POU2F2: variants seen among roughly 807,000 people sequenced by gnomAD.
The protein encoded by POU2F2 is POU domain, class 2, transcription factor 2.
A neutral mutation model predicts 63.5 loss-of-function variants in POU2F2; 14 were observed. The ratio of observed to expected loss-of-function variants is 0.22; its 90% CI spans 0.15 to 0.34. The LOEUF is 0.34. Ranked by LOEUF, POU2F2 falls within the 10% of genes least tolerant of loss-of-function variation. The probability of loss-of-function intolerance (pLI) is 1.00; values close to 1 mark genes in which losing one functional copy is unlikely to be tolerated. For missense variants in POU2F2, 607 were observed against 815.2 expected (o/e 0.74, Z 3.11); for synonymous variants, 306 against 348.6 (o/e 0.88, Z 1.36).
At chr19:42,133,709 TG>T (rs1246380679), upstream of POU2F2, among the ~76,000 whole-genome samples, 1 of 152,096 alleles carries the variant, frequency 6.6e-6, no homozygotes, top group Non-Finnish European at 1.5e-5. This position sits in a 1 kb window ranked among gnomAD's most constrained non-coding sequence, Gnocchi z 5.1. Flanking sequence ...CTGCTGACGA[TG>T]GTCACTCCCA....
At chr19:42,097,318 C>T (rs1263499741) in intron 7 of POU2F2, among the ~76,000 whole-genome samples, 2 of 151,966 alleles carry the variant, frequency 1.3e-5, no homozygotes, top group Non-Finnish European at 2.9e-5. Flanking sequence ...CTGCCTCAGC[C>T]TCCCGAGTAG....
intron 2 of POU2F2, among the ~76,000 whole-genome samples, chr19:42,149,968 G>A (rs891807537): frequency 2.0e-5 from 3 of 152,212 alleles, no homozygotes; most frequent in Non-Finnish European, 4.4e-5. Context: ...GGCAGAGACA[G>A]GCCCTGGGGG....
chr19:42,181,571 C>CATTT (rs143264132), intron 1 of POU2F2, among the ~76,000 whole-genome samples: 106,442 of 148,320 alleles, frequency 0.72, 38,641 homozygotes, highest in East Asian at 0.94. Context: ...TCTGAACATA[C>CATTT]ATTTATTTAT....
At chr19:42,192,729 T>A (rs1479725218) in intron 1 of POU2F2, among the ~76,000 whole-genome samples, 1 of 151,962 alleles carries the variant, frequency 6.6e-6, no homozygotes, top group Non-Finnish European at 1.5e-5. Context: ...AGAGCAGAAT[T>A]TAATTATTAG....
upstream of POU2F2, among the ~76,000 whole-genome samples, chr19:42,177,973 T>G (rs2034916206): frequency 1.5e-5 from 2 of 133,772 alleles, no homozygotes; most frequent in Admixed American, 7.2e-5. Context: ...CAGAGAAGGG[T>G]GGGGAGCACA....
chr19:42,179,883 G>A (rs919678068), upstream of POU2F2, among the ~76,000 whole-genome samples: 1 of 152,116 alleles, frequency 6.6e-6, no homozygotes, highest in Non-Finnish European at 1.5e-5. Context: ...CGCACTGTGT[G>A]CGCAACACAA....
At chr19:42,108,698 C>T (rs1197702333) in intron 5 of POU2F2, among the ~76,000 whole-genome samples, 1 of 152,204 alleles carries the variant, frequency 6.6e-6, no homozygotes, top group Non-Finnish European at 1.5e-5. Flanking sequence ...CACAATCCAG[C>T]GGCAGCATGG....
chr19:42,162,139 G>A lies in POU2F2; in HGVS notation c.-69-1747C>T, dbSNP rs1167624189. ...GCCTTAGGGCTGGGGTCTTCCCCCA[G>A]GCAGTGCCCCCACCTTGGGCTTCCC... On this transcript the variant is annotated intron_variant, in intron 1 of 6. Transcript: ENST00000524801. This position sits in a 1 kb window ranked among gnomAD's most constrained non-coding sequence, Gnocchi z 4.1. Among the ~76,000 whole-genome samples, 1 of 152,128 alleles carries A rather than the reference G, an allele frequency of 6.6e-6. No individual in the cohort carries two copies. Among genetic ancestry groups the A allele is most frequent in the African/African-American group, 2.4e-5 (1 of 41,450 alleles).
intron 1 of POU2F2, among the ~76,000 whole-genome samples, chr19:42,171,594 G>A (rs2034770286): frequency 6.6e-6 from 1 of 152,112 alleles, no homozygotes; most frequent in Non-Finnish European, 1.5e-5. Flanking sequence ...AAGCAGTTGT[G>A]AGCAAGTGGA....
rs924269937 is a variant in POU2F2 at position 42,167,125 on chromosome 19, A to G, written c.-69-6733T>C. Among the ~76,000 whole-genome samples, 37 of 152,186 alleles carry G rather than the reference A, an allele frequency of 2.4e-4. 1 individual carries two copies. Among genetic ancestry groups the G allele is most frequent in the Non-Finnish European group, 4.4e-5 (3 of 68,030 alleles). ...CACAAGAAAATATATTTAAGACCTA[A>G]GAAGGAAAATAAAGCAGGGAGAAAG... On this transcript the variant is annotated intron_variant, in intron 1 of 6. Coordinates refer to the POU2F2 transcript ENST00000524801.
intron 2 of POU2F2, among the ~76,000 whole-genome samples, chr19:42,139,189 G>A (rs1002477266): frequency 3.3e-5 from 5 of 152,078 alleles, no homozygotes; most frequent in Non-Finnish European, 7.4e-5. Flanking sequence ...GCATGGTGGC[G>A]CACGCCTGTA....
chr19:42,132,505 GA>G, upstream of POU2F2: 1 of 1,235,808 alleles, frequency 8.1e-7, no homozygotes, highest in Non-Finnish European at 1.1e-6. Context: ...ACTCAGGGAG[GA>G]AACCACAGGG....
intron 4 of POU2F2, among the ~76,000 whole-genome samples, chr19:42,121,617 G>C (rs78341076): frequency 6.6e-6 from 1 of 152,174 alleles, no homozygotes; most frequent in African/African-American, 2.4e-5. Context: ...GACCAGGCTG[G>C]AGGGTGGAGA....
intron 5 of POU2F2, among the ~76,000 whole-genome samples, chr19:42,115,616 G>A (rs180686439): frequency 4.6e-5 from 7 of 152,336 alleles, no homozygotes; most frequent in African/African-American, 1.7e-4. Flanking sequence ...TGGGTGACAT[G>A]GGAAGGGGTG....
At chr19:42,189,914 G>A (rs2035057881) in intron 1 of POU2F2, among the ~76,000 whole-genome samples, 1 of 152,178 alleles carries the variant, frequency 6.6e-6, no homozygotes, top group Non-Finnish European at 1.5e-5. Context: ...TTTTAGCAGA[G>A]ACAGGGTCTC....
intron 1 of POU2F2, among the ~76,000 whole-genome samples, chr19:42,160,768 G>A (rs1003377166): frequency 2.0e-5 from 3 of 152,174 alleles, no homozygotes; most frequent in East Asian, 1.9e-4. Context: ...AACGGACGAC[G>A]GAGTGAATGG....
intron 2 of POU2F2, among the ~76,000 whole-genome samples, chr19:42,145,543 A>G (rs1371696598): frequency 6.6e-6 from 1 of 152,238 alleles, no homozygotes; most frequent in African/African-American, 2.4e-5. Flanking sequence ...CATTTGAAGG[A>G]AAGTGAGGGA....
intron 1 of POU2F2, among the ~76,000 whole-genome samples, chr19:42,132,104 C>A (rs1447507925): frequency 6.6e-6 from 1 of 152,212 alleles, no homozygotes; most frequent in Non-Finnish European, 1.5e-5. Flanking sequence ...TGAGGGCCCG[C>A]TACCAACACC....
intron 1 of POU2F2, among the ~76,000 whole-genome samples, chr19:42,189,566 C>G (rs572147158): frequency 2.0e-5 from 3 of 152,158 alleles, no homozygotes; most frequent in Non-Finnish European, 4.4e-5. Context: ...AAATATCTTT[C>G]TTGCTTAAGT....
Sources: allele counts gnomAD v4.1 joint callset (sites outside exome capture counted in the v4.1 genomes callset), GRCh38; gene constraint gnomAD v4.1.1; non-coding constraint Gnocchi (gnomAD v3.1); transcripts MANE v1.5; gene names NCBI Gene and HGNC (gene_info 2026-07-23, HGNC 2026-07-21).